Variants in GALNT13 observed in about 807,000 individuals in gnomAD.
GALNT13 encodes UDP-GalNAc:polypeptide N-acetylgalactosaminyltransferase 13.
Under a neutral mutation model 64.2 loss-of-function variants are expected in GALNT13, and 28 were observed. The observed-to-expected ratio is 0.44, with a 90% confidence interval of 0.32 to 0.60. The LOEUF (loss-of-function observed/expected upper bound fraction) is 0.60. GALNT13 is among the 20% of genes least tolerant of loss of function. The pLI is 0.05. For synonymous variants in GALNT13, 214 were observed against 224.6 expected (o/e 0.95, Z 0.42); for missense variants, 577 against 669.8 (o/e 0.86, Z 1.53).
intron 9 of GALNT13, among the ~76,000 whole-genome samples, chr2:154,301,917 A>C (rs979892121): frequency 2.0e-5 from 3 of 152,096 alleles, no homozygotes; most frequent in Non-Finnish European, 4.4e-5. Context: ...GGGGAAGATT[A>C]AATGACTTCA....
At chr2:153,206,889 G>A in the GALNT13 span, among the ~76,000 whole-genome samples, 11 of 151,966 alleles carry the variant, frequency 7.2e-5, no homozygotes, top group African/African-American at 1.9e-4. Flanking sequence ...TTTACTCATC[G>A]CCTAGATTTA....
the GALNT13 span, among the ~76,000 whole-genome samples, chr2:153,368,922 C>CA: frequency 0.029 from 3,678 of 126,428 alleles, 127 homozygotes; most frequent in African/African-American, 0.096. Context: ...ATGTATTAAG[C>CA]AAAAAAAAAA....
At chr2:153,792,389 A>T in the GALNT13 span, among the ~76,000 whole-genome samples, 1 of 152,206 alleles carries the variant, frequency 6.6e-6, no homozygotes. Context: ...GGCTATTTAA[A>T]GTATACAGGA....
chr2:153,231,258 AT>A, the GALNT13 span, among the ~76,000 whole-genome samples: 5 of 152,186 alleles, frequency 3.3e-5, no homozygotes, highest in East Asian at 9.6e-4. Flanking sequence ...GAATTTTGAA[AT>A]TTGAACTCAG....
Position 154,180,052 on chromosome 2 carries a change from C to T in GALNT13, c.311+39547C>T, listed in dbSNP as rs533380784. Among the ~76,000 whole-genome samples the T allele has an allele frequency of 4.3e-4, 66 of 152,240 alleles. 1 individual carries two copies. The highest frequency in any genetic ancestry group is 4.3e-4 in the Non-Finnish European group (29 of 68,014). The stretch of plus-strand genomic sequence containing the variant: ...GCTGCTTAGTTTGTAATGCAGTTCA[C>T]ACACTCAGCATGAATACCAATTTAT... On this transcript the variant is annotated intron_variant, in intron 4 of 12. Coordinates refer to ENST00000392825, the MANE Select transcript of GALNT13 (RefSeq NM_052917.4).
At chr2:153,970,266 A>G (rs1693651155) in intron 3 of GALNT13, among the ~76,000 whole-genome samples, 1 of 152,208 alleles carries the variant, frequency 6.6e-6, no homozygotes, top group African/African-American at 2.4e-5. Context: ...TGCTAAGTCC[A>G]ATGATTCTCA....
At chr2:153,082,766 T>C in the GALNT13 span, among the ~76,000 whole-genome samples, 1 of 145,786 alleles carries the variant, frequency 6.9e-6, no homozygotes, top group East Asian at 2.0e-4. Flanking sequence ...AAATAAAATA[T>C]ATATTATTTA....
chr2:153,725,049 A>G, the GALNT13 span, among the ~76,000 whole-genome samples: 6 of 150,522 alleles, frequency 4.0e-5, no homozygotes, highest in Non-Finnish European at 8.9e-5. Flanking sequence ...AAGACTTGGA[A>G]CCAACCCAAA....
At chr2:153,714,138 G>C in the GALNT13 span, among the ~76,000 whole-genome samples, 1 of 152,136 alleles carries the variant, frequency 6.6e-6, no homozygotes, top group Non-Finnish European at 1.5e-5. Context: ...TTGCTAACTT[G>C]GGACATTCCA....
At chr2:153,935,904 GC>G (rs986156092) in intron 2 of GALNT13, among the ~76,000 whole-genome samples, 1 of 152,150 alleles carries the variant, frequency 6.6e-6, no homozygotes, top group African/African-American at 2.4e-5. Context: ...AATTTTGTGT[GC>G]CCTATTTCAG....
chr2:153,461,922 T>C, the GALNT13 span, among the ~76,000 whole-genome samples: 1 of 152,244 alleles, frequency 6.6e-6, no homozygotes, highest in South Asian at 2.1e-4. Flanking sequence ...TGCTCTGATA[T>C]TATGAGAGCT....
the GALNT13 span, among the ~76,000 whole-genome samples, chr2:153,797,496 C>A: frequency 6.6e-6 from 1 of 152,164 alleles, no homozygotes; most frequent in Non-Finnish European, 1.5e-5. Context: ...ATTGGCTCAA[C>A]ATGTTTAATC....
At chr2:153,495,227 CTGTT>C in the GALNT13 span, among the ~76,000 whole-genome samples, 1 of 152,102 alleles carries the variant, frequency 6.6e-6, no homozygotes, top group Non-Finnish European at 1.5e-5. Context: ...CTTTAGAAAT[CTGTT>C]TGGCAATTTC....
At chr2:153,904,386 C>T (rs796735992) in intron 2 of GALNT13, among the ~76,000 whole-genome samples, 1 of 151,880 alleles carries the variant, frequency 6.6e-6, no homozygotes, top group Non-Finnish European at 1.5e-5. Flanking sequence ...AATCTTTCAA[C>T]TTTAGTAGAT....
At chr2:153,652,081 C>T in the GALNT13 span, among the ~76,000 whole-genome samples, 1 of 152,072 alleles carries the variant, frequency 6.6e-6, no homozygotes, top group Non-Finnish European at 1.5e-5. Context: ...ATTTTTTCCA[C>T]CTAACCTTAA....
chr2:153,178,367 C>T, the GALNT13 span, among the ~76,000 whole-genome samples: 9 of 152,212 alleles, frequency 5.9e-5, no homozygotes, highest in South Asian at 1.7e-3. Flanking sequence ...TTAGCGAACA[C>T]GTTTTCTCTT....
At position 154,331,757 on chromosome 2, in the gene GALNT13, G is replaced by A. The variant is rs550529440; in HGVS notation, c.1156+30168G>A. On this transcript the variant is annotated intron_variant, in intron 9 of 12. Coordinates refer to ENST00000392825, the MANE Select transcript of GALNT13 (RefSeq NM_052917.4). ...ATTACATGTGGGCATCTGTCTCAGA[G>A]TAGTGAGTACTAATTTTAAATGACT... is the stretch of plus-strand genomic sequence containing the variant. Among the ~76,000 whole-genome samples the A allele has an allele frequency of 6.6e-5, 10 of 152,160 alleles. No individual in the cohort carries two copies. In the East Asian group the frequency reaches 1.9e-3, roughly 29 times the overall value.
At chr2:154,380,506 G>A (rs1410607207) in intron 9 of GALNT13, among the ~76,000 whole-genome samples, 1 of 151,850 alleles carries the variant, frequency 6.6e-6, no homozygotes, top group East Asian at 1.9e-4. Flanking sequence ...ATTAAATGAT[G>A]ACCTAAACAA....
chr2:154,179,794 T>C (rs577579734), intron 4 of GALNT13, among the ~76,000 whole-genome samples: 18 of 148,734 alleles, frequency 1.2e-4, no homozygotes, highest in Admixed American at 2.7e-4. Context: ...CATTTGTCAG[T>C]ATTTCTGGTT....
Sources: gnomAD v4.1 joint callset for allele counts (sites outside exome capture counted in the v4.1 genomes callset) on GRCh38, gnomAD v4.1.1 for gene constraint, MANE v1.5 for transcripts, NCBI Gene and HGNC (gene_info 2026-07-23, HGNC 2026-07-21) for gene names.